NOL11: variants seen among roughly 807,000 people sequenced by gnomAD.
NOL11 encodes nucleolar protein 11.
A neutral mutation model predicts 93.0 loss-of-function variants in NOL11; 42 were observed. The ratio of observed to expected loss-of-function variants is 0.45; its 90% CI spans 0.35 to 0.58. NOL11 has a LOEUF of 0.58. Ranked by LOEUF, NOL11 falls within the 20% of genes least tolerant of loss-of-function variation. The pLI is 0.00. For missense variants in NOL11, 775 were observed against 841.8 expected, an observed-to-expected ratio of 0.92 and a Z score of 0.98; for synonymous variants, 296 against 293.7, an observed-to-expected ratio of 1.01 and a Z score of -0.08.
At chr17:67,743,680 C>T (rs74802271) in intron 17 of NOL11, 63 bp from the exon 18 acceptor site, 2 of 1,203,940 alleles carry the variant, frequency 1.7e-6, no homozygotes, top group Non-Finnish European at 2.3e-6. Context: ...ATAACTTACT[C>T]ATGGAAGATT....
chr17:67,722,224 T>C (rs1018413948), intron 4 of NOL11, among the ~76,000 whole-genome samples: 2 of 152,172 alleles, frequency 1.3e-5, no homozygotes, highest in African/African-American at 4.8e-5. Context: ...TGCCTCAGCT[T>C]CCTCTATATT....
intron 5 of NOL11, among the ~76,000 whole-genome samples, chr17:67,722,841 A>T (rs2043228770): frequency 6.6e-6 from 1 of 152,016 alleles, no homozygotes; most frequent in Non-Finnish European, 1.5e-5. Context: ...ACAGGCATGC[A>T]CTACCATCCT....
rs776480478 is a variant in NOL11, at chr17:67,735,945, C to G, written c.976C>G (p.Leu326Val). ...TTTGTTTATGCTACATGGAAAATCT[C>G]TAACTGTGATTCCATACAAGTGTGA... ...EHLFMLHGKS[L>V]TVIPYKCEVS... The change falls in exon 9 of 18, where the codon CTA (leucine) becomes GTA (valine). Residue 326 changes from leucine to valine, a missense_variant. Leu to Val is a conservative substitution (Grantham distance 32). Transcript: ENST00000253247. The G allele has an allele frequency of 6.2e-7, 1 of 1,612,250 alleles. No homozygotes were observed. The highest frequency in any genetic ancestry group is 1.1e-5 in the South Asian group (1 of 90,896).
chr17:67,733,758 A>G (rs2055176046), intron 7 of NOL11, among the ~76,000 whole-genome samples: 1 of 152,108 alleles, frequency 6.6e-6, no homozygotes, highest in Non-Finnish European at 1.5e-5. Flanking sequence ...CGAGGTGATC[A>G]TATGGTTATT....
At chr17:67,735,808 T>C (rs930859537) in intron 8 of NOL11, 92 bp from the exon 9 acceptor site, 7 of 888,874 alleles carry the variant, frequency 7.9e-6, no homozygotes, top group African/African-American at 6.9e-5. Flanking sequence ...TTTTTAATAC[T>C]GAGCACTTAT....
intron 5 of NOL11, among the ~76,000 whole-genome samples, 165 bp from the exon 6 acceptor site, chr17:67,723,884 C>T (rs2055060601): frequency 6.6e-6 from 1 of 152,068 alleles, no homozygotes; most frequent in South Asian, 2.1e-4. Context: ...CCAGCCTGGG[C>T]CACAGAGCAA....
At chr17:67,728,669 G>T (rs1567801490) in intron 7 of NOL11, among the ~76,000 whole-genome samples, 2 of 152,090 alleles carry the variant, frequency 1.3e-5, no homozygotes, top group African/African-American at 2.4e-5. Context: ...TACTTAAGGG[G>T]TTTTTTCCCC....
At chr17:67,738,016 A>G in intron 13 of NOL11, 44 bp downstream of exon 13, 1 of 1,567,022 alleles carries the variant, frequency 6.4e-7, no homozygotes, top group Non-Finnish European at 8.6e-7. Flanking sequence ...TACATTTATA[A>G]TCTGTTACAT....
chr17:67,722,004 C>T (rs1305699460), intron 4 of NOL11, among the ~76,000 whole-genome samples: 1 of 151,996 alleles, frequency 6.6e-6, no homozygotes, highest in South Asian at 2.1e-4. Flanking sequence ...GTTCATTTTA[C>T]TTGTTTTCTC....
intron 4 of NOL11, 48 bp from the exon 5 acceptor site, chr17:67,722,532 G>A (rs1213462297): frequency 6.5e-7 from 1 of 1,545,860 alleles, no homozygotes; most frequent in African/African-American, 1.4e-5. Context: ...GTGTCTCCCA[G>A]CTGGTGATTT....
At chr17:67,728,739 C>T (rs1453458262) in intron 7 of NOL11, among the ~76,000 whole-genome samples, 1 of 152,140 alleles carries the variant, frequency 6.6e-6, no homozygotes, top group East Asian at 1.9e-4. Flanking sequence ...TGTTTATTCA[C>T]CTACCCAAGA....
chr17:67,722,498 C>A (rs781756052), intron 4 of NOL11, 82 bp from the exon 5 acceptor site: 5 of 1,488,130 alleles, frequency 3.4e-6, no homozygotes, highest in Non-Finnish European at 4.4e-6. Context: ...TTAATGAAAA[C>A]TTTGATTAAA....
At chr17:67,733,960 G>A (rs1373669747) in intron 7 of NOL11, among the ~76,000 whole-genome samples, 2 of 151,922 alleles carry the variant, frequency 1.3e-5, no homozygotes, top group African/African-American at 2.4e-5. Context: ...TTTTTTGTGT[G>A]GTGTCTTTGT....
At chr17:67,740,279 A>T (rs2055243247) in intron 16 of NOL11, among the ~76,000 whole-genome samples, 1 of 151,740 alleles carries the variant, frequency 6.6e-6, no homozygotes, top group East Asian at 1.9e-4. Flanking sequence ...TTAGTGAAAA[A>T]ATATTCCCAG....
chr17:67,719,857 A>G, intron 2 of NOL11, 49 bp from the exon 3 acceptor site: 1 of 1,508,034 alleles, frequency 6.6e-7, no homozygotes, highest in Non-Finnish European at 9.1e-7. Context: ...TATTTATTAT[A>G]TGTAAATGGA....
chr17:67,739,694 G>A, intron 16 of NOL11, 86 bp downstream of exon 16: 1 of 798,734 alleles, frequency 1.3e-6, no homozygotes, highest in Non-Finnish European at 2.1e-6. Context: ...GCATTCAAGA[G>A]CTGACTTCTT....
Position 67,717,971 on chromosome 17 carries a change from C to G in NOL11, c.24C>G (p.Phe8Leu). 6.2e-7 allele frequency: 1 copy of G among 1,614,214 alleles called. No individual in the cohort carries two copies. Among genetic ancestry groups the G allele is most frequent in the Non-Finnish European group, 8.5e-7 (1 of 1,180,030 alleles). ...AAATGGCAGCGCTGGAGGAAGAATT[C>G]ACGTTGTCTTCGGTAGTCCTGAGCG... is the stretch of plus-strand genomic sequence containing the variant. MAALEEE[F>L]TLSSVVLSAG... is the part of the protein sequence containing the mutation. The change falls in exon 1 of 18, where the codon TTC becomes TTG. Residue 8 changes from phenylalanine (F) to leucine (L), a missense_variant. Phe to Leu is a conservative substitution (Grantham distance 22, BLOSUM62 0). Coordinates refer to ENST00000253247, the MANE Select transcript of NOL11 (RefSeq NM_015462.5).
chr17:67,726,728 A>G (rs1324292663), intron 7 of NOL11, 80 bp downstream of exon 7: 2 of 1,108,828 alleles, frequency 1.8e-6, no homozygotes, highest in East Asian at 5.5e-5. Context: ...TTTCTTTTTC[A>G]TTTCGTTATT....
At chr17:67,743,315 C>G (rs1456348709) in intron 16 of NOL11, 164 bp from the exon 17 acceptor site, 2 of 440,666 alleles carry the variant, frequency 4.5e-6, no homozygotes, top group African/African-American at 4.1e-5. Flanking sequence ...CAGAAATGAG[C>G]CTTTTTATAT....
Sources: gnomAD v4.1 joint callset for allele counts (sites outside exome capture counted in the v4.1 genomes callset) on GRCh38, gnomAD v4.1.1 for gene constraint, MANE v1.5 for transcripts, NCBI Gene and HGNC (gene_info 2026-07-23, HGNC 2026-07-21) for gene names.